Variants in XPO1 observed in about 807,000 individuals in gnomAD.
XPO1 encodes the protein exportin-1.
XPO1 carries 5 observed loss-of-function variants against 133.3 expected under a neutral mutation model. The ratio of observed to expected loss-of-function variants is 0.04; its 90% CI spans 0.02 to 0.08. XPO1 has a LOEUF of 0.08. Ranked by LOEUF, XPO1 falls within the 10% of genes least tolerant of loss-of-function variation. The pLI is 1.00. For synonymous variants in XPO1, 419 were observed against 408.2 expected (o/e 1.03, Z -0.32); for missense variants, 506 against 1,267.5 (o/e 0.40, Z 9.12).
At chr2:61,486,628 T>C (rs147979139) in intron 19 of XPO1, among the ~76,000 whole-genome samples, 1,685 of 152,132 alleles carry the variant, frequency 0.011, 28 homozygotes, top group African/African-American at 0.037. Flanking sequence ...GCTAATTTTT[T>C]ATATTTTTAG....
chr2:61,506,990 G>T (rs1028749394), intron 4 of XPO1, among the ~76,000 whole-genome samples: 1 of 151,630 alleles, frequency 6.6e-6, no homozygotes, highest in Non-Finnish European at 1.5e-5. Context: ...AGCACTTTGG[G>T]AGGCCGAGAC....
chr2:61,512,680 A>AT (rs1698151721), intron 4 of XPO1, among the ~76,000 whole-genome samples: 1 of 152,244 alleles, frequency 6.6e-6, no homozygotes, highest in Non-Finnish European at 1.5e-5. Context: ...TTTTGTTGAA[A>AT]TTTGCCAGAT....
chr2:61,499,271 G>A (rs116676040), intron 7 of XPO1, among the ~76,000 whole-genome samples: 1 of 152,304 alleles, frequency 6.6e-6, no homozygotes, highest in Non-Finnish European at 1.5e-5. Flanking sequence ...TTTGAGGCCA[G>A]GCTCTGTGGC....
At chr2:61,520,979 T>G (rs1698663466) in intron 4 of XPO1, among the ~76,000 whole-genome samples, 1 of 152,142 alleles carries the variant, frequency 6.6e-6, no homozygotes, top group Non-Finnish European at 1.5e-5. Flanking sequence ...AAGAATAAAG[T>G]ATGAAGGACC....
At chr2:61,518,812 T>A (rs1360655321) in intron 4 of XPO1, among the ~76,000 whole-genome samples, 2 of 152,146 alleles carry the variant, frequency 1.3e-5, no homozygotes, top group Admixed American at 1.3e-4. Context: ...TAAAGCTAAA[T>A]GAAAATCCAG....
chr2:61,526,556 A>C lies in XPO1; in HGVS notation c.127-35T>G, dbSNP rs1012524701. 6.7e-6 allele frequency: 10 copies of C among 1,493,106 alleles called. No individual in the cohort carries two copies. In the African/African-American group the frequency reaches 1.4e-4, roughly 21 times the overall value. The allele number at this position is 1,493,106 out of a possible 1,614,324, so 92.5% of individuals were successfully genotyped here. Reference sequence around the variant, plus strand: ...TATTAAAAAAAACAAAACTTAAGCTAATGTATTCTTTTGAATCATTCATTA... The same window carrying C: ...TATTAAAAAAAACAAAACTTAAGCTCATGTATTCTTTTGAATCATTCATTA... On this transcript the variant is annotated intron_variant, in intron 2 of 24. Coordinates refer to ENST00000401558, the MANE Select transcript of XPO1 (RefSeq NM_003400.4).
chr2:61,537,779 A>ACACACACC lies in XPO1; in HGVS notation c.-225_-224insGGTGTGTG, dbSNP rs1699419367. On this transcript the variant is annotated 5_prime_UTR_variant, in exon 1 of 25. Coordinates refer to ENST00000401558, the MANE Select transcript of XPO1 (RefSeq NM_003400.4). ...CACACACACACACACACACACACAC[A>ACACACACC]CACACCCGCCCCCCCCCAAAAGGGG... is the stretch of plus-strand genomic sequence containing the variant. 1 of 149,800 alleles carries ACACACACC rather than the reference A, an allele frequency of 6.7e-6. No homozygotes were observed. Among genetic ancestry groups the ACACACACC allele is most frequent in the Non-Finnish European group, 1.4e-5 (1 of 69,296 alleles). 9.3% of individuals were successfully genotyped at this position (149,800 alleles called of 1,614,324 possible).
At chr2:61,480,997 C>T (rs1696320955) in intron 24 of XPO1, among the ~76,000 whole-genome samples, 188 bp downstream of exon 24, 2 of 152,090 alleles carry the variant, frequency 1.3e-5, no homozygotes, top group Non-Finnish European at 2.9e-5. Context: ...CATATCTATC[C>T]TTATTGGACT....
intron 4 of XPO1, among the ~76,000 whole-genome samples, chr2:61,512,936 T>C (rs753167994): frequency 1.3e-5 from 2 of 151,700 alleles, no homozygotes; most frequent in African/African-American, 2.4e-5. Context: ...GCAGGTGGAG[T>C]TTGCAGTGAG....
intron 4 of XPO1, among the ~76,000 whole-genome samples, chr2:61,502,777 T>G (rs1697598654): frequency 6.6e-6 from 1 of 151,818 alleles, no homozygotes; most frequent in African/African-American, 2.4e-5. Context: ...TTTAATGTGC[T>G]ATTCATATTT....
Position 61,538,239 on chromosome 2 carries a change from C to T in XPO1, c.-684G>A, listed in dbSNP as rs1699443031. ...GCTGCTCCTGCCGCGGCCGCTGCAG[C>T]CGCTTCTCCCCCTCCTCCTAGTGCC... On this transcript the variant is annotated 5_prime_UTR_variant, in exon 1 of 25. Transcript: ENST00000401558. The T allele has an allele frequency of 1.2e-5, 2 of 164,524 alleles. No individual in the cohort carries two copies. The highest frequency in any genetic ancestry group is 6.4e-5 in the Admixed American group (1 of 15,586). The allele number at this position is 164,524 out of a possible 1,614,324, so 10.2% of individuals were successfully genotyped here.
At chr2:61,491,619 G>A (rs1457313546) in intron 16 of XPO1, among the ~76,000 whole-genome samples, 1 of 152,092 alleles carries the variant, frequency 6.6e-6, no homozygotes, top group Non-Finnish European at 1.5e-5. Context: ...TAACCAGGCT[G>A]GGCGTGGTGG....
chr2:61,509,636 G>GA lies in XPO1; in HGVS notation c.302-7327dup, dbSNP rs990886575. 9.4e-5 allele frequency among the ~76,000 whole-genome samples: 14 copies of GA among 149,066 alleles called. No homozygotes were observed. In the South Asian group the frequency reaches 1.3e-3, roughly 14 times the overall value. On this transcript the variant is annotated intron_variant, in intron 4 of 24. Coordinates refer to ENST00000401558, the MANE Select transcript of XPO1 (RefSeq NM_003400.4). ...AGCGAAACTCTGTCTCAAAAAAAAG[G>GA]AAAAAAAAAGGAAATGCTCATTGGG...
intron 9 of XPO1, among the ~76,000 whole-genome samples, chr2:61,497,277 A>G (rs906082286): frequency 1.3e-5 from 2 of 152,062 alleles, no homozygotes; most frequent in Non-Finnish European, 2.9e-5. Context: ...CAGGGGCTTG[A>G]TCTCGGCTCA....
intron 4 of XPO1, among the ~76,000 whole-genome samples, chr2:61,507,916 A>G (rs193273134): frequency 7.9e-4 from 120 of 152,288 alleles, no homozygotes; most frequent in Admixed American, 1.5e-3. Flanking sequence ...ATTAATTCCA[A>G]AGAAAGGTTC....
Position 61,483,995 on chromosome 2 carries a change from A to G in XPO1, c.2619T>C (p.Leu873=), listed in dbSNP as rs755297186. The G allele has an allele frequency of 1.2e-5, 19 of 1,613,936 alleles. 1 individual carries two copies. In the South Asian group the frequency reaches 2.1e-4, roughly 18 times the overall value. ...FLAIPPTQFK[L]VLDSIIWAFK... is the part of the protein sequence containing the mutation. ...AAGCCCAAATGATGGAATCCAAAAC[A>G]AGTTTAAACTGTGTAGGTGGAATAG... The change falls in exon 21 of 25, where the codon CTT becomes CTC. Residue 873 remains leucine, a synonymous_variant. Transcript: ENST00000401558.
At chr2:61,526,282 A>T in intron 3 of XPO1, 138 bp downstream of exon 3, 1 of 1,462,850 alleles carries the variant, frequency 6.8e-7, no homozygotes, top group Non-Finnish European at 8.9e-7. Context: ...TTATATGCTT[A>T]AGACTAAATT....
chr2:61,495,404 T>C, intron 11 of XPO1, 51 bp downstream of exon 11: 1 of 1,438,336 alleles, frequency 7.0e-7, no homozygotes, highest in Non-Finnish European at 9.2e-7. Flanking sequence ...CTTTTAAGAG[T>C]TATTAGTAGG....
rs956858443 is a variant in XPO1, at chr2:61,507,045, C to T, written c.302-4735G>A. Among the ~76,000 whole-genome samples the T allele has an allele frequency of 4.0e-5, 6 of 151,828 alleles. No homozygotes were observed. In the South Asian group the frequency reaches 8.4e-4, roughly 21 times the overall value. The stretch of plus-strand genomic sequence containing the variant: ...AAGAGTTCAAGACCAGCCTGGCCAA[C>T]GTGGTGAAACCTCGTCTCTACTAAA... On this transcript the variant is annotated intron_variant, in intron 4 of 24. Coordinates refer to ENST00000401558, the MANE Select transcript of XPO1 (RefSeq NM_003400.4).
Sources: gnomAD v4.1 joint callset for allele counts (sites outside exome capture counted in the v4.1 genomes callset) on GRCh38, gnomAD v4.1.1 for gene constraint, MANE v1.5 for transcripts, NCBI Gene and HGNC (gene_info 2026-07-23, HGNC 2026-07-21) for gene names.